DMD: variants seen among roughly 807,000 people sequenced by gnomAD.
The protein encoded by DMD is mutant dystrophin.
A neutral mutation model predicts 330.1 loss-of-function variants in DMD; 63 were observed. The ratio of observed to expected loss-of-function variants is 0.19; its 90% confidence interval spans 0.16 to 0.24. The LOEUF (loss-of-function observed/expected upper bound fraction) is 0.24, where lower values mean the gene tolerates loss of function less well. DMD is among the 10% of genes least tolerant of loss of function. The pLI is 1.00. For synonymous variants in DMD, 1,223 were observed against 959.8 expected, an observed-to-expected ratio of 1.27 and a Z score of -5.07; for missense variants, 3,344 against 2,684.1, an observed-to-expected ratio of 1.25 and a Z score of -5.43.
At chrX:32,666,345 T>A (rs1054510088) in intron 9 of DMD, among the ~76,000 whole-genome samples, 1 of 110,540 alleles carries the variant, frequency 9.0e-6, no homozygotes, top group Non-Finnish European at 1.9e-5. Context: ...ATCCTAATGC[T>A]CTCCCTACCC....
intron 57 of DMD, among the ~76,000 whole-genome samples, chrX:31,495,430 C>T (rs1300425304): frequency 1.8e-5 from 2 of 111,463 alleles, no homozygotes; most frequent in Non-Finnish European, 3.8e-5. Flanking sequence ...TCAGTATCCA[C>T]TCTACACCAG....
chrX:31,122,133 G>GTTGT (rs746235206), intron 78 of DMD, among the ~76,000 whole-genome samples: 27 of 111,923 alleles, frequency 2.4e-4, no homozygotes, highest in South Asian at 1.1e-3. Context: ...GCCATTACAC[G>GTTGT]TTGTTTGTTA....
intron 2 of DMD, among the ~76,000 whole-genome samples, chrX:32,896,483 C>T (rs767108138): frequency 2.7e-5 from 3 of 111,618 alleles, no homozygotes; most frequent in African/African-American, 3.3e-5. Flanking sequence ...AAAGAGGCCA[C>T]GTTGCCTTGA....
In DMD at chrX:32,068,258, A is replaced by G. The variant is rs753451226; in HGVS notation, c.6439-99744T>C. Among the ~76,000 whole-genome samples the G allele has an allele frequency of 8.1e-5, 9 of 110,811 alleles. No individual in the cohort carries two copies. In the South Asian group the frequency reaches 3.4e-3, roughly 42 times the overall value. On this transcript the variant is annotated intron_variant, in intron 44 of 78. Coordinates refer to ENST00000357033, the MANE Select transcript of DMD (RefSeq NM_004006.3). ...CCTCATAGATTCTGGATATTACACC[A>G]CCGTCAGATGCATAACTTGCAAAAG...
intron 29 of DMD, among the ~76,000 whole-genome samples, chrX:32,414,851 G>T (rs1245152103): frequency 9.0e-6 from 1 of 111,728 alleles, no homozygotes; most frequent in Non-Finnish European, 1.9e-5. Context: ...GGTGACCGAG[G>T]CTTTGCCCTA....
At chrX:32,235,176 C>A (rs2097183119) in intron 43 of DMD, among the ~76,000 whole-genome samples, 1 of 111,512 alleles carries the variant, frequency 9.0e-6, no homozygotes, top group South Asian at 3.8e-4. Context: ...GAGCCTTGAG[C>A]TTCCTTTCCT....
At chrX:32,579,163 G>A (rs1228643444) in intron 13 of DMD, among the ~76,000 whole-genome samples, 1 of 111,764 alleles carries the variant, frequency 8.9e-6, no homozygotes, top group Non-Finnish European at 1.9e-5. Context: ...AAACTGAACT[G>A]AAGCACCATA....
intron 30 of DMD, among the ~76,000 whole-genome samples, chrX:32,390,963 T>C (rs1217207775): frequency 1.8e-5 from 2 of 112,141 alleles, no homozygotes; most frequent in Admixed American, 9.5e-5. Context: ...CAGATACTGA[T>C]TGTGAATTTT....
At chrX:32,148,873 C>T (rs746351247) in intron 44 of DMD, among the ~76,000 whole-genome samples, 5 of 111,336 alleles carry the variant, frequency 4.5e-5, no homozygotes, top group South Asian at 3.8e-4. Context: ...TGCAATTTGA[C>T]GAATATAAAT....
At chrX:31,669,694 C>A (rs766838050) in intron 53 of DMD, among the ~76,000 whole-genome samples, 7 of 110,688 alleles carry the variant, frequency 6.3e-5, no homozygotes, top group Non-Finnish European at 1.3e-4. Context: ...ATTCTAGTAC[C>A]ACATTGACTT....
At chrX:31,276,601 C>T (rs892026572) in intron 62 of DMD, among the ~76,000 whole-genome samples, 1 of 111,819 alleles carries the variant, frequency 8.9e-6, no homozygotes, top group Non-Finnish European at 1.9e-5. Context: ...TTGATATAGT[C>T]CTCAAAGGAA....
At chrX:31,431,091 C>T (rs12556980) in intron 60 of DMD, among the ~76,000 whole-genome samples, 18,504 of 109,743 alleles carry the variant, frequency 0.17, 1,579 homozygotes, top group East Asian at 0.4. Context: ...TGAGCCACCG[C>T]GCCTGGACAA....
chrX:32,725,356 G>A (rs1205303281), intron 7 of DMD, among the ~76,000 whole-genome samples: 1 of 110,656 alleles, frequency 9.0e-6, no homozygotes, highest in Admixed American at 9.7e-5. Flanking sequence ...ATGCATGCAT[G>A]TGTTTATATA....
intron 42 of DMD, among the ~76,000 whole-genome samples, chrX:32,308,465 G>A (rs1166878275): frequency 9.0e-6 from 1 of 110,672 alleles, no homozygotes; most frequent in Non-Finnish European, 1.9e-5. Flanking sequence ...AAAAGACTGA[G>A]CTCAAAACTA....
At chrX:31,970,812 T>C (rs769622197) in intron 44 of DMD, among the ~76,000 whole-genome samples, 1 of 111,479 alleles carries the variant, frequency 9.0e-6, no homozygotes, top group South Asian at 3.7e-4. Flanking sequence ...GAATCACCAT[T>C]GTTTTGGAAT....
chrX:31,987,704 A>G (rs950518490), intron 44 of DMD, among the ~76,000 whole-genome samples: 2 of 112,275 alleles, frequency 1.8e-5, no homozygotes, highest in African/African-American at 6.5e-5. Flanking sequence ...GTTGGCAAGA[A>G]TATGGAGAAA....
chrX:32,635,889 G>C (rs762533334), intron 11 of DMD, among the ~76,000 whole-genome samples: 10 of 111,598 alleles, frequency 9.0e-5, no homozygotes, highest in East Asian at 2.8e-4. Flanking sequence ...TTGTCCTCTA[G>C]TTCTCATGCT....
chrX:31,736,581 A>C (rs2086890216), intron 51 of DMD, among the ~76,000 whole-genome samples: 1 of 112,173 alleles, frequency 8.9e-6, no homozygotes, highest in Admixed American at 9.5e-5. Flanking sequence ...AACATTTACT[A>C]AACTGCAACT....
intron 51 of DMD, among the ~76,000 whole-genome samples, chrX:31,736,992 C>T (rs2086919613): frequency 8.9e-6 from 1 of 111,844 alleles, no homozygotes; most frequent in African/African-American, 3.2e-5. Flanking sequence ...TAGAACATTT[C>T]CCATTTCATA....
Sources: gnomAD v4.1 joint callset for allele counts (sites outside exome capture counted in the v4.1 genomes callset) on GRCh38, gnomAD v4.1.1 for gene constraint, MANE v1.5 for transcripts, NCBI Gene and HGNC (gene_info 2026-07-23, HGNC 2026-07-21) for gene names.